The following ROBO2 variants were observed in gnomAD, a reference collection of about 807,000 sequenced individuals.
The protein encoded by ROBO2 is roundabout homolog 2.
A neutral mutation model predicts 160.8 loss-of-function variants in ROBO2; 53 were observed. The ratio of observed to expected loss-of-function variants is 0.33; its 90% CI spans 0.26 to 0.41. The LOEUF (loss-of-function observed/expected upper bound fraction) is 0.41, where lower values mean the gene tolerates loss of function less well. ROBO2 is among the 10% of genes least tolerant of loss of function. The pLI is 1.00. For missense variants in ROBO2, 1,577 were observed against 1,722.4 expected (o/e 0.92, Z 1.49); for synonymous variants, 664 against 611.7 (o/e 1.09, Z -1.26).
intron 2 of ROBO2, among the ~76,000 whole-genome samples, chr3:76,513,657 TTTAA>T (rs2081211774): frequency 6.6e-6 from 1 of 152,260 alleles, no homozygotes; most frequent in Non-Finnish European, 1.5e-5. Flanking sequence ...TGCTTCATTA[TTTAA>T]TTTTGTCTTA....
At chr3:77,492,954 A>G (rs949364397) in intron 4 of ROBO2, among the ~76,000 whole-genome samples, 11 of 152,102 alleles carry the variant, frequency 7.2e-5, no homozygotes, top group African/African-American at 1.2e-4. Flanking sequence ...ATTTTTTATG[A>G]TAGGATCCAC....
chr3:76,229,308 T>A lies in ROBO2; in HGVS notation c.109+291706T>A, dbSNP rs1327317952. Among the ~76,000 whole-genome samples the A allele has an allele frequency of 2.0e-5, 3 of 152,142 alleles. 1 individual carries two copies. The highest frequency in any genetic ancestry group is 4.4e-5 in the Non-Finnish European group (3 of 67,994). On this transcript the variant is annotated intron_variant, in intron 2 of 26. Coordinates refer to the ROBO2 transcript ENST00000487694. ...TTATTGTAAGTAAATTATTTCAATA[T>A]CTTAGCAAATCTAAAGTCTCTATCC...
chr3:76,175,591 C>G (rs1005390920), intron 2 of ROBO2, among the ~76,000 whole-genome samples: 2 of 151,886 alleles, frequency 1.3e-5, no homozygotes, highest in African/African-American at 4.8e-5. Flanking sequence ...TTTTCTACAC[C>G]ATATGTCTGT....
At chr3:76,246,800 C>A (rs1239426223) in intron 2 of ROBO2, among the ~76,000 whole-genome samples, 1 of 152,036 alleles carries the variant, frequency 6.6e-6, no homozygotes. Flanking sequence ...GACTCTATTT[C>A]TTTTTACAGA....
chr3:76,187,499 C>T (rs572087264), intron 2 of ROBO2, among the ~76,000 whole-genome samples: 3 of 152,094 alleles, frequency 2.0e-5, no homozygotes, highest in East Asian at 3.9e-4. Flanking sequence ...AGTTTGAATT[C>T]CTGAATACAA....
chr3:76,639,401 C>T (rs1350203958), intron 2 of ROBO2, among the ~76,000 whole-genome samples: 1 of 151,204 alleles, frequency 6.6e-6, no homozygotes, highest in East Asian at 2.0e-4. Flanking sequence ...AATATATATA[C>T]ACATACATAC....
intron 2 of ROBO2, among the ~76,000 whole-genome samples, chr3:76,297,239 TACTTTCAAGTC>T (rs1345141370): frequency 6.6e-6 from 1 of 152,182 alleles, no homozygotes; most frequent in Non-Finnish European, 1.5e-5. Context: ...AACAACCACA[TACTTTCAAGTC>T]ACTTTGCCTC....
At chr3:77,041,887 CTGTT>C in intron 1 of ROBO2, among the ~76,000 whole-genome samples, 1 of 152,164 alleles carries the variant, frequency 6.6e-6, no homozygotes, top group African/African-American at 2.4e-5. Context: ...ATTAGTCTAA[CTGTT>C]TGAGCCATCA....
intron 2 of ROBO2, among the ~76,000 whole-genome samples, chr3:77,238,082 A>AT (rs11432191): frequency 0.61 from 91,619 of 151,314 alleles, 29,952 homozygotes; most frequent in Non-Finnish European, 0.75. Context: ...TTCTAATCAG[A>AT]TTTTTTTTTG....
chr3:77,426,608 CTGTG>C (rs9309768), intron 2 of ROBO2, among the ~76,000 whole-genome samples: 60 of 140,630 alleles, frequency 4.3e-4, no homozygotes, highest in African/African-American at 7.9e-4. Context: ...ATGTGTGTGT[CTGTG>C]TGTGTGTGTG....
chr3:77,558,980 A>G (rs2093228539), intron 9 of ROBO2, among the ~76,000 whole-genome samples: 2 of 152,178 alleles, frequency 1.3e-5, no homozygotes, highest in South Asian at 4.1e-4. Flanking sequence ...AGATTGACAC[A>G]GGATGGATTT....
intron 2 of ROBO2, among the ~76,000 whole-genome samples, chr3:77,287,425 AT>A (rs80126100): frequency 5.3e-5 from 8 of 151,944 alleles, no homozygotes; most frequent in Middle Eastern, 3.4e-3. Flanking sequence ...GTAATACAAC[AT>A]TTTTTTTCCA....
chr3:77,602,920 C>A (rs960570147), intron 20 of ROBO2: 2 of 458,562 alleles, frequency 4.4e-6, no homozygotes, highest in South Asian at 1.5e-5. Flanking sequence ...ATGACCTCTG[C>A]CCTTTAACCC....
At chr3:76,927,323 C>T (rs999350646) in intron 2 of ROBO2, among the ~76,000 whole-genome samples, 12 of 152,098 alleles carry the variant, frequency 7.9e-5, no homozygotes, top group Middle Eastern at 3.2e-3. Context: ...GCCCAAAACC[C>T]TCCCCAAATC....
intron 2 of ROBO2, among the ~76,000 whole-genome samples, chr3:77,266,806 C>G (rs184444793): frequency 6.6e-6 from 1 of 152,244 alleles, no homozygotes; most frequent in East Asian, 1.9e-4. Context: ...GTAAGGGTCA[C>G]AATGCCTGAC....
At chr3:77,457,925 A>G (rs1189011649) in intron 2 of ROBO2, among the ~76,000 whole-genome samples, 1 of 152,160 alleles carries the variant, frequency 6.6e-6, no homozygotes, top group Admixed American at 6.5e-5. Flanking sequence ...CAGGACAATT[A>G]TCACTGTGGG....
chr3:76,469,615 C>T (rs529033394), intron 2 of ROBO2, among the ~76,000 whole-genome samples: 1 of 152,144 alleles, frequency 6.6e-6, no homozygotes, highest in South Asian at 2.1e-4. Flanking sequence ...CTGAATGTGT[C>T]ATTTGCCCTG....
rs2089212831 is a variant in ROBO2, at chr3:76,622,245, A to AGAAAGAAAGAAG, written c.110-475758_110-475757insGGAAAGAAAGAA. Among the ~76,000 whole-genome samples, 279 of 44,166 alleles carry AGAAAGAAAGAAG rather than the reference A, an allele frequency of 6.3e-3. 14 individuals carry two copies. Among genetic ancestry groups the AGAAAGAAAGAAG allele is most frequent in the Non-Finnish European group, 8.7e-3 (197 of 22,596 alleles). 29.0% of individuals were successfully genotyped at this position (44,166 alleles called of 152,430 possible). On this transcript the variant is annotated intron_variant, in intron 2 of 26. Coordinates refer to the ROBO2 transcript ENST00000487694. ...AAGGAAGGAAGGAAGGAAGAAAGAA[A>AGAAAGAAAGAAG]GAAAGAAAGAAAGAAAGAAAGAAAG... is the stretch of plus-strand genomic sequence containing the variant.
chr3:77,490,842 C>G (rs1487301654), intron 4 of ROBO2, among the ~76,000 whole-genome samples: 2 of 152,172 alleles, frequency 1.3e-5, no homozygotes, highest in African/African-American at 4.8e-5. Flanking sequence ...TTGTCTGTCC[C>G]CTTTTCGACA....
Sources: gnomAD v4.1 joint callset for allele counts (sites outside exome capture counted in the v4.1 genomes callset) on GRCh38, gnomAD v4.1.1 for gene constraint, MANE v1.5 for transcripts, NCBI Gene and HGNC (gene_info 2026-07-23, HGNC 2026-07-21) for gene names.